The following NEK11 variants were observed in gnomAD, a reference collection of about 807,000 sequenced individuals.
NEK11 encodes the protein serine/threonine-protein kinase Nek11.
A neutral mutation model predicts 80.7 loss-of-function variants in NEK11; 72 were observed. That is an observed-to-expected ratio of 0.89 (90% CI 0.74 to 1.08). The LOEUF is 1.08. Ranked by LOEUF, NEK11 falls within the 50% of genes least tolerant of loss-of-function variation. The probability of loss-of-function intolerance (pLI) is 0.00; values close to 1 mark genes in which losing one functional copy is unlikely to be tolerated. For synonymous variants in NEK11, 251 were observed against 260.7 expected (o/e 0.96, Z 0.36); for missense variants, 764 against 763.6 (o/e 1.00, Z -0.01).
chr3:131,144,564 TG>T (rs2087727447), intron 7 of NEK11, among the ~76,000 whole-genome samples: 1 of 152,214 alleles, frequency 6.6e-6, no homozygotes, highest in African/African-American at 2.4e-5. Flanking sequence ...ATATGTATTT[TG>T]GTTACCTACC....
chr3:131,115,946 C>A (rs1001393733), intron 5 of NEK11, among the ~76,000 whole-genome samples: 2 of 128,138 alleles, frequency 1.6e-5, no homozygotes, highest in African/African-American at 3.0e-5. Context: ...TTCTTTCTTT[C>A]TTTCTTTCTT....
intron 3 of NEK11, among the ~76,000 whole-genome samples, chr3:131,077,501 C>T (rs544549822): frequency 3.2e-4 from 48 of 152,286 alleles, no homozygotes; most frequent in African/African-American, 1.1e-3. Flanking sequence ...AGGTGCCAGA[C>T]GGGGCTCAGG....
intron 5 of NEK11, among the ~76,000 whole-genome samples, chr3:131,115,983 T>TTTCC (rs2081143704): frequency 6.9e-6 from 1 of 144,656 alleles, no homozygotes; most frequent in Non-Finnish European, 1.5e-5. Context: ...TCTTTCTTTC[T>TTTCC]TTCTTTATTA....
In NEK11 at chr3:131,159,689, T is replaced by C. The variant is rs542902447; in HGVS notation, c.963-2719T>C. ...CTGCGGCAGGAGAATCGCTTGAACC[T>C]GGGAGGCGGAGGTTGCAGTGAGCTG... On this transcript the variant is annotated intron_variant, in intron 10 of 17. Coordinates refer to ENST00000383366, the MANE Select transcript of NEK11 (RefSeq NM_024800.5). 2.6e-5 allele frequency among the ~76,000 whole-genome samples: 4 copies of C among 152,126 alleles called. No homozygotes were observed. In the East Asian group the frequency reaches 5.8e-4, roughly 22 times the overall value.
At position 131,170,851 on chromosome 3, in the gene NEK11, A is replaced by G. The variant is rs78153027; in HGVS notation, c.1363A>G (p.Ile455Val). 223 of 1,613,818 alleles carry G rather than the reference A, an allele frequency of 1.4e-4. No homozygotes were observed. In the African/African-American group the frequency reaches 2.5e-3, roughly 18 times the overall value. ...PSMDLHELES[I>V]VEDATSDLGY... ...CATGGACCTCCACGAACTTGAATCA[A>G]TTGTAGAGGATGCCACATCTGACCT... The change falls in exon 14 of 18, where the codon ATT becomes GTT. Residue 455 changes from isoleucine (I) to valine (V), a missense_variant. By Grantham distance (29) the Ile-to-Val change is conservative. Transcript: ENST00000383366.
chr3:131,041,071 CTG>C (rs2066400936), intron 3 of NEK11, among the ~76,000 whole-genome samples: 1 of 152,186 alleles, frequency 6.6e-6, no homozygotes, highest in African/African-American at 2.4e-5. Flanking sequence ...AATGCATACA[CTG>C]TGAGTTTGGG....
At chr3:131,337,133 A>G (rs1044172259) in intron 17 of NEK11, among the ~76,000 whole-genome samples, 12 of 152,214 alleles carry the variant, frequency 7.9e-5, no homozygotes, top group African/African-American at 2.9e-4. Context: ...CCAAAGGACT[A>G]TAAATCATGC....
chr3:131,174,833 T>C (rs2092915547), intron 14 of NEK11: 1 of 1,601,512 alleles, frequency 6.2e-7, no homozygotes, highest in Non-Finnish European at 8.5e-7. Context: ...CTCTAGGGCC[T>C]GGGTCTACAA....
chr3:131,134,642 G>C (rs1209648572), intron 7 of NEK11, among the ~76,000 whole-genome samples: 2 of 151,994 alleles, frequency 1.3e-5, no homozygotes, highest in African/African-American at 4.8e-5. Flanking sequence ...CTCATGATCT[G>C]CCTGCCTCAG....
chr3:131,226,443 T>G (rs759980409), intron 14 of NEK11, among the ~76,000 whole-genome samples: 2 of 137,090 alleles, frequency 1.5e-5, no homozygotes, highest in Non-Finnish European at 3.2e-5. Flanking sequence ...CCATCACTGA[T>G]GAGTGGATAA....
At chr3:131,075,277 A>G (rs1243595567) in intron 3 of NEK11, among the ~76,000 whole-genome samples, 2 of 152,210 alleles carry the variant, frequency 1.3e-5, no homozygotes, top group East Asian at 1.9e-4. Flanking sequence ...AACCCATAAA[A>G]TAATTTTGTC....
At chr3:131,290,285 C>T (rs560506387) in intron 17 of NEK11, among the ~76,000 whole-genome samples, 138 of 152,274 alleles carry the variant, frequency 9.1e-4, no homozygotes, top group Non-Finnish European at 1.5e-3. Flanking sequence ...AAAATGTGTG[C>T]ACCTTCACCA....
chr3:131,284,865 C>T lies in NEK11; in HGVS notation c.1718+11291C>T, dbSNP rs181234169. Among the ~76,000 whole-genome samples, 14 of 152,284 alleles carry T rather than the reference C, an allele frequency of 9.2e-5. No individual in the cohort carries two copies. In the East Asian group the frequency reaches 2.7e-3, roughly 29 times the overall value. ...ACAGACTGAAGGCTGCACTGTTGCC[C>T]TCCCTACTTTTGAGATTTTGAGACT... On this transcript the variant is annotated intron_variant, in intron 17 of 17. Coordinates refer to ENST00000383366, the MANE Select transcript of NEK11 (RefSeq NM_024800.5).
In NEK11 at chr3:131,273,467, T is replaced by C. The variant is rs1212051463; in HGVS notation, c.1622-11T>C. On this transcript the variant is annotated splice_polypyrimidine_tract_variant and intron_variant, in intron 16 of 17. Coordinates refer to ENST00000383366, the MANE Select transcript of NEK11 (RefSeq NM_024800.5). Reference sequence around the variant, plus strand: ...TGATGAAGTCAATAAGGGCTGTGCATTGATTTTCAGACACAAAGACCATCA... The same window carrying C: ...TGATGAAGTCAATAAGGGCTGTGCACTGATTTTCAGACACAAAGACCATCA... 1.2e-6 allele frequency: 2 copies of C among 1,610,854 alleles called. No individual in the cohort carries two copies. Among genetic ancestry groups the C allele is most frequent in the African/African-American group, 1.3e-5 (1 of 74,868 alleles).
intron 17 of NEK11, among the ~76,000 whole-genome samples, chr3:131,339,000 T>C (rs1237975369): frequency 1.3e-5 from 2 of 151,816 alleles, no homozygotes; most frequent in East Asian, 3.9e-4. Context: ...TTTTATCAAT[T>C]TAAAAAATAT....
intron 3 of NEK11, among the ~76,000 whole-genome samples, chr3:131,042,396 G>A (rs934042870): frequency 6.6e-6 from 1 of 152,198 alleles, no homozygotes; most frequent in African/African-American, 2.4e-5. Context: ...GCAGTCTGAG[G>A]TCGACCTGGG....
chr3:131,169,680 T>A (rs2092544821), intron 13 of NEK11, among the ~76,000 whole-genome samples: 1 of 152,100 alleles, frequency 6.6e-6, no homozygotes, highest in African/African-American at 2.4e-5. Context: ...GCAGATCAGG[T>A]CTCCATACGT....
At chr3:131,036,594 T>C (rs60713771) in intron 3 of NEK11, among the ~76,000 whole-genome samples, 7,044 of 152,286 alleles carry the variant, frequency 0.046, 452 homozygotes, top group African/African-American at 0.14. Flanking sequence ...GGATGGAAGG[T>C]TGGGTGAGGC....
chr3:131,193,389 G>A (rs1405309344), intron 14 of NEK11, among the ~76,000 whole-genome samples: 2 of 152,078 alleles, frequency 1.3e-5, no homozygotes, highest in Non-Finnish European at 1.5e-5. Flanking sequence ...AGACTTCCAG[G>A]GGTTCCTGGA....
Sources: gnomAD v4.1 joint callset for allele counts (sites outside exome capture counted in the v4.1 genomes callset) on GRCh38, gnomAD v4.1.1 for gene constraint, MANE v1.5 for transcripts, NCBI Gene and HGNC (gene_info 2026-07-23, HGNC 2026-07-21) for gene names.